PRKDC: variants seen among roughly 807,000 people sequenced by gnomAD.
The protein encoded by PRKDC is DNA-dependent protein kinase catalytic subunit.
PRKDC carries 82 observed loss-of-function variants against 486.9 expected under a neutral mutation model. The observed-to-expected ratio is 0.17, with a 90% CI of 0.14 to 0.20. The LOEUF is 0.20. Among genes scored for constraint, PRKDC ranks in the 10% least tolerant of loss-of-function variants. The pLI is 1.00. For missense variants in PRKDC, 4,504 were observed against 5,038.2 expected (o/e 0.89, Z 3.21); for synonymous variants, 1,895 against 1,837.0 (o/e 1.03, Z -0.81).
intron 11 of PRKDC, among the ~76,000 whole-genome samples, chr8:47,937,828 G>T (rs1302173719): frequency 2.6e-5 from 4 of 152,222 alleles, no homozygotes; most frequent in Non-Finnish European, 5.9e-5. Context: ...TTAAGAAAAA[G>T]GGAAAGGCTG....
rs75220935 is a variant in PRKDC at position 47,944,484 on chromosome 8, TA to T, written c.722-456del. Among the ~76,000 whole-genome samples the T allele has an allele frequency of 6.5e-3, 648 of 98,940 alleles. 2 individuals are homozygous for T. Among genetic ancestry groups the T allele is most frequent in the African/African-American group, 0.015 (441 of 30,224 alleles). 64.9% of individuals were successfully genotyped at this position (98,940 alleles called of 152,430 possible). ...CACCTAGTACATGTAAGAAAAAAAT[TA>T]AAAAAAAAAAAAAAACAGAAAAAAA... On this transcript the variant is annotated intron_variant, in intron 7 of 85. Coordinates refer to ENST00000314191, the MANE Select transcript of PRKDC (RefSeq NM_006904.7).
chr8:47,798,878 G>A (rs2087038029), intron 72 of PRKDC, among the ~76,000 whole-genome samples: 1 of 151,512 alleles, frequency 6.6e-6, no homozygotes, highest in South Asian at 2.1e-4. Flanking sequence ...AGTGGATATC[G>A]GCTCACTGCA....
chr8:47,887,807 T>G (rs1372233331), intron 34 of PRKDC, 102 bp from the exon 35 acceptor site: 3 of 1,204,190 alleles, frequency 2.5e-6, no homozygotes, highest in Non-Finnish European at 3.4e-6. Flanking sequence ...CAGATAGCAC[T>G]GACAACTACC....
chr8:47,813,900 G>A (rs182056957), intron 68 of PRKDC, among the ~76,000 whole-genome samples: 1 of 152,114 alleles, frequency 6.6e-6, no homozygotes, highest in East Asian at 1.9e-4. Context: ...ATAGAGAAGG[G>A]AACATGCCTT....
At chr8:47,936,770 C>T (rs1273358405) in intron 11 of PRKDC, among the ~76,000 whole-genome samples, 1 of 150,466 alleles carries the variant, frequency 6.6e-6, no homozygotes, top group Non-Finnish European at 1.5e-5. Context: ...GCATGTGCCA[C>T]CACGCCTGGC....
At chr8:47,878,810 C>T (rs1044068711) in intron 39 of PRKDC, among the ~76,000 whole-genome samples, 4 of 152,148 alleles carry the variant, frequency 2.6e-5, no homozygotes, top group African/African-American at 9.7e-5. Context: ...GCACTTCAGC[C>T]TAGACGACAG....
intron 70 of PRKDC, 85 bp from the exon 71 acceptor site, chr8:47,801,071 T>G: frequency 7.6e-7 from 1 of 1,320,446 alleles, no homozygotes; most frequent in Non-Finnish European, 1.0e-6. Context: ...CTATAGAAGT[T>G]TTCTTTTCTT....
chr8:47,837,434 G>A lies in PRKDC; in HGVS notation c.7554-15C>T, dbSNP rs1563760445. The A allele has an allele frequency of 6.4e-7, 1 of 1,564,796 alleles. No homozygotes were observed. The highest frequency in any genetic ancestry group is 1.7e-5 in the Admixed American group (1 of 58,892). On this transcript the variant is annotated splice_polypyrimidine_tract_variant and intron_variant, in intron 56 of 85. Coordinates refer to ENST00000314191, the MANE Select transcript of PRKDC (RefSeq NM_006904.7). ...GAATAATTAATCTGAAAAGCAAAGAGAAAAAAGTATATTGCTTAGACAATG... is the reference window on the plus strand; with the variant it reads ...GAATAATTAATCTGAAAAGCAAAGAAAAAAAAGTATATTGCTTAGACAATG...
At chr8:47,877,604 A>G (rs2089116211) in intron 40 of PRKDC, 120 bp downstream of exon 40, 17 of 1,085,482 alleles carry the variant, frequency 1.6e-5, no homozygotes, top group Non-Finnish European at 2.1e-5. Flanking sequence ...AAAAAACTAA[A>G]ATAAAGTTTA....
chr8:47,806,730 T>C (rs1297331116), intron 69 of PRKDC, among the ~76,000 whole-genome samples: 2 of 152,264 alleles, frequency 1.3e-5, no homozygotes, highest in African/African-American at 2.4e-5. Flanking sequence ...TAAGGATTCA[T>C]TTTGTTAACG....
rs2086563279 is a variant in PRKDC at position 47,774,077 on chromosome 8, T to G, written c.*96A>C. 1 of 1,235,360 alleles carries G rather than the reference T, an allele frequency of 8.1e-7. No homozygotes were observed. Among genetic ancestry groups the G allele is most frequent in the African/African-American group, 1.5e-5 (1 of 65,754 alleles). The allele number at this position is 1,235,360 out of a possible 1,614,324, so 76.5% of individuals were successfully genotyped here. A position where few individuals can be genotyped will look rare whatever the true frequency, so the allele number is the denominator to read the frequency against. Reference sequence around the variant, plus strand: ...TAGCACAAAAGACATTTCTCTTTAGTGTTTCAGGAAAATCAGCTCATGGAA... The same window carrying G: ...TAGCACAAAAGACATTTCTCTTTAGGGTTTCAGGAAAATCAGCTCATGGAA... On this transcript the variant is annotated 3_prime_UTR_variant, in exon 86 of 86. Transcript: ENST00000314191.
At chr8:47,946,471 A>G (rs926352639) in intron 7 of PRKDC, among the ~76,000 whole-genome samples, 1 of 151,978 alleles carries the variant, frequency 6.6e-6, no homozygotes, top group Admixed American at 6.6e-5. Flanking sequence ...CCAATGTTCA[A>G]TGGATGTGGT....
At position 47,834,415 on chromosome 8, in the gene PRKDC, G is replaced by A. The variant is rs1017625872; in HGVS notation, c.7952-19C>T. The A allele has an allele frequency of 2.0e-5, 32 of 1,611,350 alleles. No individual in the cohort carries two copies. The highest frequency in any genetic ancestry group is 2.6e-5 in the Non-Finnish European group (31 of 1,179,228). On this transcript the variant is annotated intron_variant, in intron 58 of 85. Transcript: ENST00000314191. ...CTTCCATCTGTGACATGCAATCAGA[G>A]AGGTCAGGCACTCAGCATCACCCAG... is the stretch of plus-strand genomic sequence containing the variant.
chr8:47,800,690 A>C, intron 71 of PRKDC, 103 bp downstream of exon 71: 8 of 1,076,018 alleles, frequency 7.4e-6, no homozygotes, highest in Non-Finnish European at 1.0e-5. Context: ...AATATATTTT[A>C]AAAACACAAA....
intron 58 of PRKDC, 33 bp downstream of exon 58, chr8:47,836,305 G>A (rs2088020364): frequency 3.3e-6 from 5 of 1,515,000 alleles, no homozygotes; most frequent in Non-Finnish European, 2.7e-6. Context: ...TCAGGGTGCT[G>A]TATACATGGC....
At chr8:47,956,085 G>A (rs2090695576) in intron 3 of PRKDC, 137 bp from the exon 4 acceptor site, 16 of 675,140 alleles carry the variant, frequency 2.4e-5, no homozygotes, top group Middle Eastern at 4.2e-4. Flanking sequence ...ACATTAGGCC[G>A]GGCATAGTGG....
intron 13 of PRKDC, 110 bp from the exon 14 acceptor site, chr8:47,935,168 A>T (rs1178896636): frequency 1.3e-6 from 1 of 763,928 alleles, no homozygotes; most frequent in Non-Finnish European, 2.1e-6. Context: ...TTTACCTCTC[A>T]ATTTATTTTC....
chr8:47,828,573 A>G (rs1458931208), intron 61 of PRKDC, among the ~76,000 whole-genome samples: 1 of 152,186 alleles, frequency 6.6e-6, no homozygotes, highest in Non-Finnish European at 1.5e-5. Flanking sequence ...TGGCCCAGAG[A>G]GATACATTTA....
intron 30 of PRKDC, among the ~76,000 whole-genome samples, chr8:47,896,631 A>G (rs1283764085): frequency 6.8e-6 from 1 of 146,618 alleles, no homozygotes; most frequent in East Asian, 2.1e-4. Context: ...TGGGCAAAAG[A>G]GCGAGACTCC....
Sources: gnomAD v4.1 joint callset for allele counts (sites outside exome capture counted in the v4.1 genomes callset) on GRCh38, gnomAD v4.1.1 for gene constraint, MANE v1.5 for transcripts, NCBI Gene and HGNC (gene_info 2026-07-23, HGNC 2026-07-21) for gene names.